The following EBF2 variants were observed in gnomAD, a reference collection of about 807,000 sequenced individuals.
The protein encoded by EBF2 is transcription factor COE2.
In EBF2, 21 loss-of-function variants were observed where a neutral mutation model predicts 72.8. That is an observed-to-expected ratio of 0.29 (90% CI 0.20 to 0.42). The LOEUF is 0.42. EBF2 is among the 10% of genes least tolerant of loss of function. The pLI, the probability that EBF2 is intolerant of heterozygous loss-of-function variation, is 1.00. For synonymous variants in EBF2, 299 were observed against 274.2 expected, an observed-to-expected ratio of 1.09 and a Z score of -0.89; for missense variants, 637 against 731.2, an observed-to-expected ratio of 0.87 and a Z score of 1.49.
At chr8:25,946,423 A>T (rs1274233535) in intron 6 of EBF2, among the ~76,000 whole-genome samples, 1 of 152,234 alleles carries the variant, frequency 6.6e-6, no homozygotes, top group Admixed American at 6.5e-5. Context: ...AAGAAAATGG[A>T]AAAGTACCAA....
intron 15 of EBF2, among the ~76,000 whole-genome samples, chr8:25,850,193 A>T (rs1324582215): frequency 6.6e-6 from 1 of 152,016 alleles, no homozygotes; most frequent in Non-Finnish European, 1.5e-5. Context: ...GCTTACTGCA[A>T]CCTCTGCCTC....
intron 6 of EBF2, among the ~76,000 whole-genome samples, chr8:26,007,340 C>G (rs1804898591): frequency 6.6e-6 from 1 of 152,168 alleles, no homozygotes; most frequent in Non-Finnish European, 1.5e-5. Flanking sequence ...CTGACATTCT[C>G]CATTCATGAA....
Position 25,842,459 on chromosome 8 carries a change from C to A in EBF2, c.*2150G>T, listed in dbSNP as rs1207895347. The stretch of plus-strand genomic sequence containing the variant: ...TAAAAGCAATGCTACTTAAAAAAAA[C>A]AAAATTTCCTTATGTTGGATTGGCT... On this transcript the variant is annotated 3_prime_UTR_variant, in exon 16 of 16. Transcript: ENST00000520164. 1 of 152,086 alleles carries A rather than the reference C, an allele frequency of 6.6e-6. No homozygotes were observed. The highest frequency in any genetic ancestry group is 2.4e-5 in the African/African-American group (1 of 41,376). The allele number at this position is 152,086 out of a possible 1,614,324, so 9.4% of individuals were successfully genotyped here. A position where few individuals can be genotyped will look rare whatever the true frequency, so the allele number is the denominator to read the frequency against.
At chr8:25,888,442 G>T (rs1802727734) in intron 8 of EBF2, among the ~76,000 whole-genome samples, 1 of 152,144 alleles carries the variant, frequency 6.6e-6, no homozygotes. Flanking sequence ...TGTGCAAAGG[G>T]TGTTTGAAAA....
chr8:25,868,723 G>A lies in EBF2; in HGVS notation c.1010-5926C>T, dbSNP rs542827744. Among the ~76,000 whole-genome samples the A allele has an allele frequency of 9.8e-4, 149 of 152,270 alleles. 4 individuals are homozygous for A. The South Asian group carries it at 0.029, about 30-fold the overall frequency. ...ACTCCTGAGCTCAAGCAATCCGCCC[G>A]CCTTAGCCTCCCAAATTGCTGGGAC... On this transcript the variant is annotated intron_variant, in intron 10 of 15. Coordinates refer to ENST00000520164, the MANE Select transcript of EBF2 (RefSeq NM_022659.4).
chr8:25,868,286 A>G (rs1438757059), intron 10 of EBF2, among the ~76,000 whole-genome samples: 1 of 152,168 alleles, frequency 6.6e-6, no homozygotes, highest in Non-Finnish European at 1.5e-5. Flanking sequence ...AATTTATTGC[A>G]TTTTTGTGAA....
intron 14 of EBF2, among the ~76,000 whole-genome samples, chr8:25,854,851 C>A (rs543718513): frequency 6.6e-6 from 1 of 152,220 alleles, no homozygotes; most frequent in Admixed American, 6.5e-5. Flanking sequence ...AACCCCAGAG[C>A]ATGGTCTAAG....
intron 14 of EBF2, among the ~76,000 whole-genome samples, chr8:25,857,397 G>C (rs1022311701): frequency 6.6e-6 from 1 of 152,152 alleles, no homozygotes; most frequent in African/African-American, 2.4e-5. Flanking sequence ...GGACGTGGCT[G>C]CATGCTGCCC....
At position 25,861,240 on chromosome 8, in the gene EBF2, G is replaced by A. The variant is rs549060215; in HGVS notation, c.1165-14C>T. On this transcript the variant is annotated splice_polypyrimidine_tract_variant and intron_variant, in intron 12 of 15. Transcript: ENST00000520164. ...CAAAATGATGTCCTACAAAACAACA[G>A]GTTAATGTGAGCATTCTATCCAGCA... The A allele has an allele frequency of 1.7e-5, 28 of 1,613,382 alleles. No homozygotes were observed. The East Asian group carries it at 2.2e-4, about 13-fold the overall frequency.
chr8:25,937,416 C>T (rs1272024848), intron 6 of EBF2, among the ~76,000 whole-genome samples: 1 of 152,196 alleles, frequency 6.6e-6, no homozygotes, highest in Non-Finnish European at 1.5e-5. Flanking sequence ...TCTATTCTCT[C>T]TGCATTATAT....
chr8:26,022,795 G>A (rs984677134), intron 6 of EBF2, among the ~76,000 whole-genome samples: 2 of 152,138 alleles, frequency 1.3e-5, no homozygotes, highest in Non-Finnish European at 1.5e-5. Flanking sequence ...TTTCATCAAT[G>A]AGCCAGTCTA....
chr8:25,986,507 AATATAT>A (rs1804459553), intron 6 of EBF2, among the ~76,000 whole-genome samples: 1 of 152,192 alleles, frequency 6.6e-6, no homozygotes, highest in Admixed American at 6.5e-5. Context: ...CCAGTTTCTC[AATATAT>A]ACACCTTGTT....
At chr8:25,874,683 A>ACTAT (rs1802491710) in intron 10 of EBF2, among the ~76,000 whole-genome samples, 1 of 151,398 alleles carries the variant, frequency 6.6e-6, no homozygotes, top group Non-Finnish European at 1.5e-5. Flanking sequence ...CTTTTAAAAA[A>ACTAT]TTATTTATTT....
At chr8:26,018,846 T>C (rs1401587660) in intron 6 of EBF2, among the ~76,000 whole-genome samples, 1 of 151,454 alleles carries the variant, frequency 6.6e-6, no homozygotes, top group Non-Finnish European at 1.5e-5. Flanking sequence ...ACATTTACCA[T>C]TTCCTTCCAT....
At chr8:25,869,068 C>T (rs1802384733) in intron 10 of EBF2, among the ~76,000 whole-genome samples, 1 of 152,180 alleles carries the variant, frequency 6.6e-6, no homozygotes, top group Non-Finnish European at 1.5e-5. Context: ...TATTTAACTG[C>T]TTTCTCGGCC....
intron 6 of EBF2, among the ~76,000 whole-genome samples, chr8:26,011,356 G>C (rs1415546753): frequency 1.3e-5 from 2 of 152,262 alleles, no homozygotes; most frequent in East Asian, 3.9e-4. Flanking sequence ...CATATTTTCT[G>C]TGTGGGGAAT....
intron 6 of EBF2, among the ~76,000 whole-genome samples, chr8:25,965,808 G>C (rs1451507769): frequency 1.3e-5 from 2 of 152,244 alleles, no homozygotes; most frequent in Admixed American, 1.3e-4. Context: ...GAAAGATGGG[G>C]AGGGCATTTA....
intron 6 of EBF2, among the ~76,000 whole-genome samples, chr8:26,019,788 C>T (rs1805177419): frequency 6.6e-6 from 1 of 152,190 alleles, no homozygotes; most frequent in South Asian, 2.1e-4. Flanking sequence ...AAGCCATCTC[C>T]CACCCCAAGA....
At chr8:25,917,997 G>C (rs1213705668) in intron 6 of EBF2, among the ~76,000 whole-genome samples, 3 of 152,172 alleles carry the variant, frequency 2.0e-5, no homozygotes, top group Non-Finnish European at 1.5e-5. Flanking sequence ...ATTTGGAAAG[G>C]GAATCAAGGT....
Sources: gnomAD v4.1 joint callset for allele counts (sites outside exome capture counted in the v4.1 genomes callset) on GRCh38, gnomAD v4.1.1 for gene constraint, MANE v1.5 for transcripts, NCBI Gene and HGNC (gene_info 2026-07-23, HGNC 2026-07-21) for gene names.